The following EEIG2 variants were observed in gnomAD, a reference collection of about 807,000 sequenced individuals.
EEIG2 encodes the protein EEIG family member 2.
chr1:108,633,482 G>A, the EEIG2 span, among the ~76,000 whole-genome samples: 1 of 152,248 alleles, frequency 6.6e-6, no homozygotes, highest in Admixed American at 6.5e-5. Context: ...TGGACACAAG[G>A]TCTTGCTGTG....
the EEIG2 span, among the ~76,000 whole-genome samples, chr1:108,632,595 G>A: frequency 3.3e-5 from 5 of 152,166 alleles, no homozygotes; most frequent in Admixed American, 6.5e-5. Flanking sequence ...TTGAGTTAGA[G>A]ACTTGGGTTC....
chr1:108,585,226 T>G, the EEIG2 span, among the ~76,000 whole-genome samples: 1 of 152,160 alleles, frequency 6.6e-6, no homozygotes, highest in Non-Finnish European at 1.5e-5. Context: ...TACCAACTGG[T>G]AGTAAGTCAA....
At chr1:108,612,149 T>G in the EEIG2 span, 1 of 1,476,378 alleles carries the variant, frequency 6.8e-7, no homozygotes, top group South Asian at 1.2e-5. Flanking sequence ...CTAGATAGTC[T>G]ATTAATATAA....
At chr1:108,595,709 G>A in the EEIG2 span, among the ~76,000 whole-genome samples, 4 of 149,750 alleles carry the variant, frequency 2.7e-5, no homozygotes, top group Non-Finnish European at 5.9e-5. Context: ...ACATGCCAAG[G>A]GAAGGAAGGG....
At chr1:108,628,905 G>A in the EEIG2 span, 3 of 1,000,964 alleles carry the variant, frequency 3.0e-6, no homozygotes, top group Non-Finnish European at 4.3e-6. Context: ...ACTGACTGTT[G>A]CATATTTGTA....
chr1:108,568,593 G>T, the EEIG2 span, among the ~76,000 whole-genome samples: 6 of 152,184 alleles, frequency 3.9e-5, no homozygotes, highest in Admixed American at 2.6e-4. Flanking sequence ...GATTTAGAAT[G>T]GATGTCAGGT....
chr1:108,591,128 A>G, the EEIG2 span, among the ~76,000 whole-genome samples: 9 of 152,352 alleles, frequency 5.9e-5, no homozygotes, highest in African/African-American at 1.7e-4. Flanking sequence ...TAGGAAATTA[A>G]TGACTCACAT....
At chr1:108,621,163 A>C in the EEIG2 span, among the ~76,000 whole-genome samples, 52 of 152,374 alleles carry the variant, frequency 3.4e-4, no homozygotes, top group Non-Finnish European at 6.2e-4. Flanking sequence ...ACTATAAAGC[A>C]ATCAAATTAA....
the EEIG2 span, among the ~76,000 whole-genome samples, chr1:108,572,935 C>G: frequency 6.6e-6 from 1 of 152,142 alleles, no homozygotes; most frequent in Admixed American, 6.5e-5. Context: ...TTCATGGCCT[C>G]GTAATTCATT....
At chr1:108,591,959 A>C in the EEIG2 span, among the ~76,000 whole-genome samples, 2 of 152,202 alleles carry the variant, frequency 1.3e-5, no homozygotes, top group Admixed American at 6.5e-5. Flanking sequence ...GATAAGACTA[A>C]AGACAGACAG....
At chr1:108,563,209 G>A in the EEIG2 span, among the ~76,000 whole-genome samples, 30 of 152,286 alleles carry the variant, frequency 2.0e-4, no homozygotes, top group African/African-American at 7.0e-4. Flanking sequence ...GGCTCACTGT[G>A]CCTAGACTGT....
chr1:108,633,113 T>C, the EEIG2 span, among the ~76,000 whole-genome samples: 1 of 152,054 alleles, frequency 6.6e-6, no homozygotes, highest in Non-Finnish European at 1.5e-5. Flanking sequence ...AAATAGTAAA[T>C]GGTCAAAAGC....
the EEIG2 span, among the ~76,000 whole-genome samples, chr1:108,569,280 A>C: frequency 1.4e-4 from 21 of 152,162 alleles, no homozygotes; most frequent in Non-Finnish European, 2.6e-4. Flanking sequence ...ATTTGTCAGG[A>C]ATGTTATTCC....
the EEIG2 span, among the ~76,000 whole-genome samples, chr1:108,579,772 T>TGTGTGTGTGTGAGAGAGAGAGAGA: frequency 1.7e-5 from 1 of 58,822 alleles, no homozygotes; most frequent in African/African-American, 6.5e-5. Context: ...TGTGTGTGTG[T>TGTGTGTGTGTGAGAGAGAGAGAGA]GAGAGAGAGA....
chr1:108,625,286 A>G, the EEIG2 span: 3 of 152,260 alleles, frequency 2.0e-5, no homozygotes, highest in African/African-American at 7.2e-5. Context: ...ACACCTTGAG[A>G]TCCACATTTC....
At chr1:108,580,120 G>A in the EEIG2 span, among the ~76,000 whole-genome samples, 4 of 152,008 alleles carry the variant, frequency 2.6e-5, no homozygotes, top group Admixed American at 6.6e-5. Flanking sequence ...TCACTTTTTG[G>A]TAGTTTTTGC....
the EEIG2 span, among the ~76,000 whole-genome samples, chr1:108,576,322 T>A: frequency 7.9e-5 from 12 of 152,134 alleles, no homozygotes; most frequent in South Asian, 2.3e-3. Flanking sequence ...ATACTTTAAG[T>A]TTTAGGGTAC....
chr1:108,612,824 AT>A, the EEIG2 span, among the ~76,000 whole-genome samples: 9 of 152,216 alleles, frequency 5.9e-5, no homozygotes, highest in Admixed American at 1.3e-4. Flanking sequence ...TTGAGAAAAT[AT>A]TTGTAAAGTA....
At chr1:108,589,284 T>G in the EEIG2 span, among the ~76,000 whole-genome samples, 2 of 152,168 alleles carry the variant, frequency 1.3e-5, no homozygotes, top group Admixed American at 6.6e-5. Context: ...TAAACCATGC[T>G]TAAGTCTCTT....
Sources: allele counts gnomAD v4.1 joint callset (sites outside exome capture counted in the v4.1 genomes callset), GRCh38; gene constraint gnomAD v4.1.1; transcripts MANE v1.5; gene names NCBI Gene and HGNC (gene_info 2026-07-23, HGNC 2026-07-21).